The following ZNF451 variants were observed in gnomAD, a reference collection of about 807,000 sequenced individuals.
ZNF451 encodes E3 SUMO-protein ligase ZNF451.
ZNF451 carries 80 observed loss-of-function variants against 107.1 expected under a neutral mutation model. The observed-to-expected ratio is 0.75, with a 90% CI of 0.62 to 0.90. The LOEUF (loss-of-function observed/expected upper bound fraction) is 0.90, where lower values mean the gene tolerates loss of function less well. Ranked by LOEUF, ZNF451 falls within the 40% of genes least tolerant of loss-of-function variation. The pLI is 0.00. For synonymous variants in ZNF451, 362 were observed against 406.5 expected, an observed-to-expected ratio of 0.89 and a Z score of 1.32; for missense variants, 1,107 against 1,236.2, an observed-to-expected ratio of 0.90 and a Z score of 1.57.
chr6:57,114,845 G>A (rs1246763229), intron 3 of ZNF451: 1 of 151,946 alleles, frequency 6.6e-6, no homozygotes, highest in East Asian at 1.9e-4. Context: ...AGAAAAATTA[G>A]AAAATAAATG....
chr6:57,134,717 T>A, intron 6 of ZNF451, 27 bp from the exon 7 acceptor site: 1 of 1,600,776 alleles, frequency 6.2e-7, no homozygotes, highest in Non-Finnish European at 8.5e-7. Context: ...TTATCTAATA[T>A]TACCTCTTAC....
intron 3 of ZNF451, chr6:57,124,525 C>T: frequency 1.4e-6 from 1 of 710,274 alleles, no homozygotes; most frequent in Non-Finnish European, 2.6e-6. Flanking sequence ...AATGTCCTAG[C>T]AGCTCATTTG....
At chr6:57,107,631 C>T (rs1829926006) in intron 3 of ZNF451, 9 of 985,094 alleles carry the variant, frequency 9.1e-6, no homozygotes, top group Non-Finnish European at 1.1e-5. Context: ...ACCCGTTTTC[C>T]GTAGATGTTA....
chr6:57,141,560 T>C (rs1831761457), intron 8 of ZNF451, 105 bp downstream of exon 8: 3 of 1,062,390 alleles, frequency 2.8e-6, no homozygotes. Context: ...ATCTTAGTTT[T>C]AGAACTATGA....
At chr6:57,103,324 T>C in intron 3 of ZNF451, 1 of 985,448 alleles carries the variant, frequency 1.0e-6, no homozygotes, top group South Asian at 4.7e-5. Flanking sequence ...CCATTAATGA[T>C]TTGAAAGGCT....
At chr6:57,141,239 T>C (rs1162845910) in intron 7 of ZNF451, 63 bp from the exon 8 acceptor site, 1 of 1,346,614 alleles carries the variant, frequency 7.4e-7, no homozygotes, top group Non-Finnish European at 9.7e-7. Context: ...TTTTGAAAGT[T>C]TTTTTCAAGA....
At chr6:57,124,138 T>C (rs1305446096) in intron 3 of ZNF451, among the ~76,000 whole-genome samples, 1 of 152,204 alleles carries the variant, frequency 6.6e-6, no homozygotes, top group Non-Finnish European at 1.5e-5. Context: ...GTAGGTTTTT[T>C]GTAGATGATC....
intron 13 of ZNF451, among the ~76,000 whole-genome samples, chr6:57,157,560 A>G (rs1562629000): frequency 6.6e-6 from 1 of 152,192 alleles, no homozygotes; most frequent in Non-Finnish European, 1.5e-5. Context: ...GGGTTTCAAC[A>G]TGAGCATTTT....
intron 3 of ZNF451, chr6:57,105,869 A>G (rs1290174287): frequency 2.4e-5 from 24 of 984,240 alleles, no homozygotes; most frequent in Non-Finnish European, 2.5e-5. Context: ...CAGCTTCCTT[A>G]TCAGTATAAT....
At chr6:57,159,346 C>A (rs1360613966) in intron 13 of ZNF451, 2 of 985,380 alleles carry the variant, frequency 2.0e-6, no homozygotes, top group African/African-American at 3.5e-5. Flanking sequence ...TTATAACATG[C>A]TGCTTTTGAC....
intron 7 of ZNF451, among the ~76,000 whole-genome samples, chr6:57,139,841 G>A: frequency 6.6e-6 from 1 of 152,070 alleles, no homozygotes; most frequent in African/African-American, 2.4e-5. Context: ...CCAGGAGTTA[G>A]AGACGAGCTT....
intron 10 of ZNF451, among the ~76,000 whole-genome samples, chr6:57,149,314 A>C (rs1429428961): frequency 6.6e-6 from 1 of 152,156 alleles, no homozygotes; most frequent in Non-Finnish European, 1.5e-5. Flanking sequence ...AAGTCTAGGC[A>C]GGTGTTATGT....
At chr6:57,106,402 C>T (rs1319551032) in intron 3 of ZNF451, 6 of 719,414 alleles carry the variant, frequency 8.3e-6, no homozygotes, top group East Asian at 1.3e-4. Flanking sequence ...CGCCACCTCC[C>T]GGGTTCAAGC....
At chr6:57,104,677 A>G (rs932289206) in intron 3 of ZNF451, 3 of 985,196 alleles carry the variant, frequency 3.0e-6, no homozygotes, top group Admixed American at 6.1e-5. Context: ...AGTGTTGACT[A>G]TATTTGCATT....
Position 57,090,200 on chromosome 6 carries a change from G to C in ZNF451, c.-54G>C. The C allele has an allele frequency of 6.3e-7, 1 of 1,583,454 alleles. No homozygotes were observed. The highest frequency in any genetic ancestry group is 8.6e-7 in the Non-Finnish European group (1 of 1,165,150). On this transcript the variant is annotated 5_prime_UTR_variant, in exon 1 of 15. Transcript: ENST00000370706. ...GGGCGGGAAGGGGATTCGTGGCGAC[G>C]GCGGCGGCAGGGACAGCAGGAGCAG...
intron 3 of ZNF451, chr6:57,101,888 C>A: frequency 1.3e-6 from 2 of 1,550,516 alleles, no homozygotes; most frequent in Non-Finnish European, 1.7e-6. Flanking sequence ...GATGTGAAAG[C>A]TGTTGTTGCA....
intron 2 of ZNF451, among the ~76,000 whole-genome samples, chr6:57,094,526 T>G (rs1401273896): frequency 4.6e-5 from 7 of 152,174 alleles, no homozygotes. Flanking sequence ...AATGATGGTT[T>G]ACTAGTTGAT....
At position 57,141,380 on chromosome 6, in the gene ZNF451, C is replaced by A. The variant is rs1831749981; in HGVS notation, c.781C>A (p.Leu261Ile). The A allele has an allele frequency of 6.2e-7, 1 of 1,613,268 alleles. No individual in the cohort carries two copies. Among genetic ancestry groups the A allele is most frequent in the South Asian group, 1.1e-5 (1 of 90,994 alleles). The change falls in exon 8 of 15, where the codon CTT becomes ATT. Residue 261 changes from leucine to isoleucine, a missense_variant. Leu to Ile is a conservative substitution (Grantham distance 5). Around this residue, in one of 5 missense-constraint regions of ZNF451, gnomAD observed 339 missense variants for 372.8 expected, o/e 0.91. Coordinates refer to ENST00000370706, the MANE Select transcript of ZNF451 (RefSeq NM_001031623.3). ...QCFACPNCFL[L>I]FSRKEECSKH... ...TTTTGCATGTCCAAATTGCTTCCTT[C>A]TTTTTAGCAGAAAGGAGGAGTGTTC...
intron 9 of ZNF451, 95 bp from the exon 10 acceptor site, chr6:57,146,995 C>A: frequency 1.8e-6 from 2 of 1,117,174 alleles, no homozygotes; most frequent in Non-Finnish European, 2.5e-6. Flanking sequence ...CTTATTTATA[C>A]GTTGGTTATT....
Sources: allele counts gnomAD v4.1 joint callset (sites outside exome capture counted in the v4.1 genomes callset), GRCh38; gene constraint gnomAD v4.1.1; regional missense constraint gnomAD v4.1.1; transcripts MANE v1.5; gene names NCBI Gene and HGNC (gene_info 2026-07-23, HGNC 2026-07-21).